Variants in LRRC20 observed in about 807,000 individuals in gnomAD.
LRRC20 encodes the protein leucine rich repeat containing 20.
In LRRC20, 11 loss-of-function variants were observed where a neutral mutation model predicts 14.4. The ratio of observed to expected loss-of-function variants is 0.77; its 90% CI spans 0.48 to 1.27. LRRC20 has a LOEUF of 1.27. Ranked by LOEUF, LRRC20 falls within the 50% of genes most tolerant of loss-of-function variation. The pLI, the probability that LRRC20 is intolerant of heterozygous loss-of-function variation, is 0.00. For synonymous variants in LRRC20, 121 were observed against 107.3 expected (o/e 1.13, Z -0.79); for missense variants, 219 against 251.2 (o/e 0.87, Z 0.87).
At chr10:70,346,947 G>A (rs1054000609) in intron 2 of LRRC20, among the ~76,000 whole-genome samples, 1 of 152,118 alleles carries the variant, frequency 6.6e-6, no homozygotes, top group Non-Finnish European at 1.5e-5. Context: ...GGGCAGTGGC[G>A]TGATCTCGGC....
intron 3 of LRRC20, 65 bp downstream of exon 3, chr10:70,340,488 C>G: frequency 6.3e-7 from 1 of 1,594,052 alleles, no homozygotes; most frequent in Non-Finnish European, 8.6e-7. Flanking sequence ...ACTCCCCAGA[C>G]AGGGTCAGAG....
At chr10:70,353,941 G>A (rs1077877) in intron 2 of LRRC20, among the ~76,000 whole-genome samples, 73,578 of 152,006 alleles carry the variant, frequency 0.48, 18,374 homozygotes, top group East Asian at 0.66. Context: ...TATATAAAAG[G>A]GGACTTAGAG....
chr10:70,312,192 C>T (rs1380877546), intron 4 of LRRC20, among the ~76,000 whole-genome samples: 3 of 152,136 alleles, frequency 2.0e-5, no homozygotes, highest in Non-Finnish European at 4.4e-5. Context: ...AGCCCTAGGC[C>T]CACATCTCAG....
chr10:70,359,439 A>G (rs989562784), intron 2 of LRRC20, among the ~76,000 whole-genome samples: 2 of 152,200 alleles, frequency 1.3e-5, no homozygotes, highest in African/African-American at 4.8e-5. Context: ...CTGTGGGCCC[A>G]GCTACTTGGG....
intron 2 of LRRC20, among the ~76,000 whole-genome samples, chr10:70,345,785 A>C (rs1314270143): frequency 1.3e-5 from 2 of 152,246 alleles, no homozygotes; most frequent in African/African-American, 4.8e-5. Flanking sequence ...AAGTTGATCA[A>C]GGGAAATGGT....
intron 4 of LRRC20, among the ~76,000 whole-genome samples, chr10:70,314,585 C>A (rs1378015521): frequency 6.6e-6 from 1 of 152,096 alleles, no homozygotes; most frequent in African/African-American, 2.4e-5. Context: ...CCGAATCCCA[C>A]CATCAGAGAC....
At chr10:70,346,148 G>A (rs1294120285) in intron 2 of LRRC20, among the ~76,000 whole-genome samples, 2 of 152,266 alleles carry the variant, frequency 1.3e-5, no homozygotes, top group East Asian at 3.9e-4. Flanking sequence ...AGCTACTCAG[G>A]AGGCTGAGGC....
chr10:70,342,370 A>G (rs1473489898), intron 2 of LRRC20, among the ~76,000 whole-genome samples: 2 of 152,176 alleles, frequency 1.3e-5, no homozygotes, highest in African/African-American at 2.4e-5. Flanking sequence ...GAACATAGTA[A>G]AACCACTGAA....
At chr10:70,338,958 GC>G (rs1842813488) in intron 3 of LRRC20, among the ~76,000 whole-genome samples, 1 of 152,196 alleles carries the variant, frequency 6.6e-6, no homozygotes, top group Non-Finnish European at 1.5e-5. Flanking sequence ...ACTGCACCTG[GC>G]AACGTGGACA....
chr10:70,318,317 G>A (rs577169488), intron 4 of LRRC20, among the ~76,000 whole-genome samples: 28 of 152,286 alleles, frequency 1.8e-4, no homozygotes, highest in African/African-American at 6.3e-4. Flanking sequence ...TTTCTAACCC[G>A]TTCTCTAGCG....
intron 2 of LRRC20, among the ~76,000 whole-genome samples, chr10:70,372,940 T>TAAA (rs11356425): frequency 7.3e-6 from 1 of 137,466 alleles, no homozygotes; most frequent in East Asian, 2.2e-4. Context: ...CCATCTCTAC[T>TAAA]AAAAAAAAAA....
chr10:70,337,989 C>T (rs891638095), intron 3 of LRRC20, among the ~76,000 whole-genome samples: 1 of 152,154 alleles, frequency 6.6e-6, no homozygotes, highest in Non-Finnish European at 1.5e-5. Context: ...CTATCCTCCT[C>T]GGGAAAGCAA....
chr10:70,336,523 T>C (rs1842730446), intron 3 of LRRC20, among the ~76,000 whole-genome samples: 2 of 152,160 alleles, frequency 1.3e-5, no homozygotes, highest in African/African-American at 4.8e-5. Flanking sequence ...AACTAACAGC[T>C]TCCTGATTTT....
At chr10:70,344,427 C>G (rs1272785808) in intron 2 of LRRC20, among the ~76,000 whole-genome samples, 1 of 152,080 alleles carries the variant, frequency 6.6e-6, no homozygotes, top group African/African-American at 2.4e-5. Flanking sequence ...CAATGATATT[C>G]CTATGCACCA....
intron 3 of LRRC20, among the ~76,000 whole-genome samples, chr10:70,324,402 C>G (rs757083650): frequency 1.3e-5 from 2 of 152,214 alleles, no homozygotes; most frequent in Admixed American, 6.5e-5. Flanking sequence ...GGCCTCTCCC[C>G]CTCGGGGCTC....
chr10:70,308,494 C>G (rs1841509605), intron 4 of LRRC20, among the ~76,000 whole-genome samples: 1 of 152,180 alleles, frequency 6.6e-6, no homozygotes, highest in African/African-American at 2.4e-5. Context: ...TGAAGGCAGG[C>G]TCTGCGTATG....
chr10:70,339,258 C>T (rs534042927), intron 3 of LRRC20, among the ~76,000 whole-genome samples: 2 of 152,346 alleles, frequency 1.3e-5, no homozygotes, highest in East Asian at 3.9e-4. Context: ...TTCAAAGTCT[C>T]AAGGGCACTG....
At chr10:70,312,180 C>A (rs1015933510) in intron 4 of LRRC20, among the ~76,000 whole-genome samples, 6 of 152,164 alleles carry the variant, frequency 3.9e-5, no homozygotes, top group African/African-American at 1.4e-4. Context: ...AGAATCCAGG[C>A]CAGCCCTAGG....
At chr10:70,365,581 C>T (rs1286539638) in intron 2 of LRRC20, among the ~76,000 whole-genome samples, 1 of 152,182 alleles carries the variant, frequency 6.6e-6, no homozygotes. Flanking sequence ...GTTCCAGCTA[C>T]TCTGGAAGCT....
Sources: gnomAD v4.1 joint callset for allele counts (sites outside exome capture counted in the v4.1 genomes callset) on GRCh38, gnomAD v4.1.1 for gene constraint, MANE v1.5 for transcripts, NCBI Gene and HGNC (gene_info 2026-07-23, HGNC 2026-07-21) for gene names.